Variants in CAPN2 observed in about 807,000 individuals in gnomAD.
The protein encoded by CAPN2 is calpain 2, also known as calpain-2 catalytic subunit.
Under a neutral mutation model 102.3 loss-of-function variants are expected in CAPN2, and 92 were observed. The ratio of observed to expected loss-of-function variants is 0.90; its 90% CI spans 0.76 to 1.07. The LOEUF is 1.07. Among genes scored for constraint, CAPN2 ranks in the 50% least tolerant of loss-of-function variants. CAPN2 has a pLI of 0.00. For synonymous variants in CAPN2, 340 were observed against 355.4 expected (o/e 0.96, Z 0.49); for missense variants, 800 against 909.4 (o/e 0.88, Z 1.55).
chr1:223,744,100 G>GTGACTGC lies in CAPN2; in HGVS notation c.311_317dup (p.Trp106Ter). 6.2e-7 allele frequency: 1 copy of GTGACTGC among 1,607,080 alleles called. No individual in the cohort carries two copies. On this transcript the variant is annotated frameshift_variant and splice_region_variant, in exon 3 of 21. Transcript: ENST00000295006. LOFTEE classifies it high-confidence loss of function. ...AGAGCTCCTTGTGCTGTGTTCACAG[G>GTGACTGC]TGACTGCTGGCTGCTGGCAGCCATT...
chr1:223,770,822 G>A (rs41267353), intron 18 of CAPN2: 107 of 241,340 alleles, frequency 4.4e-4, no homozygotes, highest in Non-Finnish European at 7.3e-4. Flanking sequence ...CCTTTCTGGT[G>A]CAGGGTTGGT....
chr1:223,723,456 A>C (rs1021421378), intron 2 of CAPN2, among the ~76,000 whole-genome samples: 1 of 152,184 alleles, frequency 6.6e-6, no homozygotes, highest in Non-Finnish European at 1.5e-5. Context: ...CACCAGTCCC[A>C]GCACCCCCCT....
intron 16 of CAPN2, among the ~76,000 whole-genome samples, chr1:223,769,097 G>GT (rs1558079391): frequency 6.6e-6 from 1 of 151,980 alleles, no homozygotes; most frequent in South Asian, 2.1e-4. Flanking sequence ...CTTCTGTGAA[G>GT]TTTTTTCTGT....
In CAPN2 at chr1:223,747,127, G is replaced by C. The variant is rs781521726; in HGVS notation, c.691G>C (p.Ala231Pro). 6.2e-7 allele frequency: 1 copy of C among 1,614,004 alleles called. No homozygotes were observed. Among genetic ancestry groups the C allele is most frequent in the East Asian group, 2.2e-5 (1 of 44,874 alleles). ...PPNLFKIIQK[A>P]LQKGSLLGCS... ...CAACCTGTTCAAGATCATCCAGAAA[G>C]CTCTGCAAAAAGGCTCTCTCCTTGG... The change falls in exon 5 of 21, where the codon GCT (alanine) becomes CCT (proline). Residue 231 changes from alanine (A) to proline (P), a missense_variant. By Grantham distance (27) the Ala-to-Pro change is conservative. Transcript: ENST00000295006.
intron 1 of CAPN2, among the ~76,000 whole-genome samples, chr1:223,714,908 T>C (rs1468205108): frequency 1.3e-5 from 2 of 152,248 alleles, no homozygotes; most frequent in Non-Finnish European, 2.9e-5. Context: ...AGAGATGATC[T>C]AGCGCCACTG....
At chr1:223,748,542 C>G (rs1236883823) in intron 5 of CAPN2, among the ~76,000 whole-genome samples, 2 of 152,234 alleles carry the variant, frequency 1.3e-5, no homozygotes, top group African/African-American at 4.8e-5. Context: ...ATAAACCCTA[C>G]AGCTGGGCTG....
Position 223,747,166 on chromosome 1 carries a change from G to T in CAPN2, c.729+1G>T. ...CTCTCTCCTTGGCTGCTCCATCGAC[G>T]TAAGTCCAGGCTGCCTTCCCTAGCC... is the stretch of plus-strand genomic sequence containing the variant. On this transcript the variant is annotated splice_donor_variant, in intron 5 of 20. Transcript: ENST00000295006. LOFTEE classifies it high-confidence loss of function. The T allele has an allele frequency of 6.2e-7, 1 of 1,611,356 alleles. No individual in the cohort carries two copies. The highest frequency in any genetic ancestry group is 8.5e-7 in the Non-Finnish European group (1 of 1,178,322).
Position 223,752,862 on chromosome 1 carries a change from T to G in CAPN2, c.1041T>G (p.Thr347=). ...RLEICNLTPD[T]LTSDTYKKWK... is the part of the protein sequence containing the mutation. ...AGATCTGTAACCTGACCCCAGACAC[T>G]CTCACCAGCGATACCTACAAGAAGT... Residue 347 remains threonine (T), a synonymous_variant, in exon 9 of 21, where the codon ACT becomes ACG. Transcript: ENST00000295006. The G allele has an allele frequency of 6.2e-7, 1 of 1,614,032 alleles. No homozygotes were observed. The highest frequency in any genetic ancestry group is 8.5e-7 in the Non-Finnish European group (1 of 1,179,974).
chr1:223,768,795 A>G (rs976888244), intron 16 of CAPN2, among the ~76,000 whole-genome samples: 6 of 151,336 alleles, frequency 4.0e-5, no homozygotes, highest in Non-Finnish European at 7.4e-5. Flanking sequence ...CCATTTTCAC[A>G]ATATTGATTC....
chr1:223,724,157 C>G (rs1660130524), intron 2 of CAPN2, among the ~76,000 whole-genome samples: 1 of 152,232 alleles, frequency 6.6e-6, no homozygotes, highest in Non-Finnish European at 1.5e-5. Flanking sequence ...GCCCCCTGCA[C>G]CCTCACACAT....
chr1:223,746,832 A>G (rs1337156551), intron 4 of CAPN2, among the ~76,000 whole-genome samples, 165 bp from the exon 5 acceptor site: 1 of 152,166 alleles, frequency 6.6e-6, no homozygotes, highest in Non-Finnish European at 1.5e-5. Context: ...TGTGGACATT[A>G]TACCTTGCCT....
intron 5 of CAPN2, among the ~76,000 whole-genome samples, chr1:223,748,351 C>G (rs1342331952): frequency 1.3e-5 from 2 of 152,074 alleles, no homozygotes; most frequent in African/African-American, 4.8e-5. Flanking sequence ...GGTCAGACTC[C>G]CTAGGCAGGA....
Position 223,750,995 on chromosome 1 carries a change from CG to C in CAPN2, c.899+24del. The C allele has an allele frequency of 6.5e-7, 1 of 1,548,578 alleles. No homozygotes were observed. The highest frequency in any genetic ancestry group is 1.2e-5 in the South Asian group (1 of 83,984). ...TGACAAGTGAGGAGGGCGCAGGCCT[CG>C]GGGCCCCAGGCGGGGGTGCATTGTG... On this transcript the variant is annotated intron_variant, in intron 7 of 20. Transcript: ENST00000295006.
upstream of CAPN2, among the ~76,000 whole-genome samples, chr1:223,711,300 G>T (rs2154115): frequency 0.99 from 150,169 of 152,228 alleles, 74,098 homozygotes; most frequent in East Asian, 1. Context: ...GGTAATTTCT[G>T]CCCATCTGCA....
chr1:223,771,761 G>C, intron 18 of CAPN2, 48 bp from the exon 19 acceptor site: 1 of 1,182,256 alleles, frequency 8.5e-7, no homozygotes, highest in Non-Finnish European at 1.3e-6. Context: ...CAGCTAAATG[G>C]AACAATCTAA....
rs963882104 is a variant in CAPN2, at chr1:223,764,059, C to T, written c.1633-91C>T. 1.3e-5 allele frequency: 13 copies of T among 988,622 alleles called. No individual in the cohort carries two copies. In the African/African-American group the frequency reaches 1.4e-4, roughly 11 times the overall value. The allele number at this position is 988,622 out of a possible 1,614,324, so 61.2% of individuals were successfully genotyped here. A position where few individuals can be genotyped will look rare whatever the true frequency, so the allele number is the denominator to read the frequency against. ...AGAAATGCACATTCATAGGCCCCAC[C>T]GCAGGCCTACCTAATGCACTGGTGT... On this transcript the variant is annotated intron_variant, in intron 14 of 20. Transcript: ENST00000295006.
intron 14 of CAPN2, among the ~76,000 whole-genome samples, chr1:223,763,772 T>C (rs1254651509): frequency 2.0e-5 from 3 of 152,168 alleles, no homozygotes; most frequent in African/African-American, 4.8e-5. Flanking sequence ...ACTGCATCCG[T>C]ACATTAAAAC....
In CAPN2 at chr1:223,754,929, C is replaced by T. The variant is rs184335455; in HGVS notation, c.1136-551C>T. Among the ~76,000 whole-genome samples the T allele has an allele frequency of 4.2e-4, 64 of 152,260 alleles. No individual in the cohort carries two copies. Among genetic ancestry groups the T allele is most frequent in the Non-Finnish European group, 6.5e-4 (44 of 68,004 alleles). ...GAGAAGGTACCATGAGGGGAAGCCA[C>T]AGCTCTAACCACCCTGCGTTCCAGA... On this transcript the variant is annotated intron_variant, in intron 9 of 20. Transcript: ENST00000295006. This position sits in a 1 kb window ranked among gnomAD's most constrained non-coding sequence, Gnocchi z 4.7.
At chr1:223,770,398 C>G in intron 17 of CAPN2, 49 bp from the exon 18 acceptor site, 2 of 1,365,996 alleles carry the variant, frequency 1.5e-6, no homozygotes, top group Non-Finnish European at 2.1e-6. Flanking sequence ...AGGTAACTTG[C>G]CAGCTTTGCT....
Sources: allele counts gnomAD v4.1 joint callset (sites outside exome capture counted in the v4.1 genomes callset), GRCh38; gene constraint gnomAD v4.1.1; non-coding constraint Gnocchi (gnomAD v3.1); transcripts MANE v1.5; gene names NCBI Gene and HGNC (gene_info 2026-07-23, HGNC 2026-07-21).